The following CRYBG1 variants were observed in gnomAD, a reference collection of about 807,000 sequenced individuals.
CRYBG1 encodes crystallin beta-gamma domain containing 1.
In CRYBG1, 139 loss-of-function variants were observed where a neutral mutation model predicts 189.2. The ratio of observed to expected loss-of-function variants is 0.73; its 90% CI spans 0.64 to 0.85. CRYBG1 has a LOEUF of 0.85. CRYBG1 is among the 40% of genes least tolerant of loss of function. The probability of loss-of-function intolerance (pLI) is 0.00; values close to 1 mark genes in which losing one functional copy is unlikely to be tolerated. For synonymous variants in CRYBG1, 1,023 were observed against 1,017.1 expected, an observed-to-expected ratio of 1.01 and a Z score of -0.11; for missense variants, 2,611 against 2,675.8, an observed-to-expected ratio of 0.98 and a Z score of 0.53.
At chr6:106,476,993 T>C (rs1022654377) in intron 2 of CRYBG1, among the ~76,000 whole-genome samples, 1 of 152,222 alleles carries the variant, frequency 6.6e-6, no homozygotes, top group Non-Finnish European at 1.5e-5. Context: ...ACATGTAAAG[T>C]ACTTAAAATA....
At chr6:106,370,727 A>G (rs1582725209) in intron 1 of CRYBG1, among the ~76,000 whole-genome samples, 1 of 151,922 alleles carries the variant, frequency 6.6e-6, no homozygotes, top group African/African-American at 2.4e-5. Context: ...AGATTTTCTG[A>G]TTTTTTCTTA....
At chr6:106,372,348 C>A (rs1157742087) in intron 1 of CRYBG1, among the ~76,000 whole-genome samples, 1 of 152,020 alleles carries the variant, frequency 6.6e-6, no homozygotes, top group Admixed American at 6.6e-5. Context: ...ACTCCCTGGG[C>A]TCAGGTGATC....
At chr6:106,420,991 C>T (rs1771111764) in intron 1 of CRYBG1, among the ~76,000 whole-genome samples, 1 of 152,118 alleles carries the variant, frequency 6.6e-6, no homozygotes, top group Admixed American at 6.5e-5. Context: ...AACCCTGGAC[C>T]TGTTCAAATG....
intron 2 of CRYBG1, among the ~76,000 whole-genome samples, chr6:106,461,613 AC>A (rs1023455719): frequency 2.6e-5 from 4 of 152,270 alleles, no homozygotes; most frequent in African/African-American, 9.6e-5. Context: ...GAAATCCCTC[AC>A]TGGGGGAACT....
intron 1 of CRYBG1, among the ~76,000 whole-genome samples, chr6:106,430,816 A>G (rs1001689961): frequency 4.6e-5 from 7 of 152,126 alleles, no homozygotes. Flanking sequence ...TTCAACATGA[A>G]GAGCAGCATG....
chr6:106,413,353 T>C (rs537481193), intron 1 of CRYBG1, among the ~76,000 whole-genome samples: 1 of 151,994 alleles, frequency 6.6e-6, no homozygotes, highest in Non-Finnish European at 1.5e-5. Context: ...GGAAGAAAAG[T>C]GGATGAAATG....
At chr6:106,485,903 A>T (rs1772583571) in intron 2 of CRYBG1, among the ~76,000 whole-genome samples, 1 of 152,214 alleles carries the variant, frequency 6.6e-6, no homozygotes, top group Non-Finnish European at 1.5e-5. Context: ...ATGTGCATTC[A>T]TCAGGGATAC....
chr6:106,396,375 T>C (rs920426941), intron 1 of CRYBG1, among the ~76,000 whole-genome samples: 25 of 152,316 alleles, frequency 1.6e-4, no homozygotes, highest in Non-Finnish European at 2.9e-4. Context: ...AATTCTTTCA[T>C]AAACATCATG....
chr6:106,535,456 A>T (rs994641055), intron 8 of CRYBG1, among the ~76,000 whole-genome samples: 2 of 152,196 alleles, frequency 1.3e-5, no homozygotes, highest in African/African-American at 4.8e-5. Context: ...TTCAATGTAC[A>T]TTGGAGATAT....
At chr6:106,374,893 T>C (rs1187788629) in intron 1 of CRYBG1, among the ~76,000 whole-genome samples, 1 of 152,156 alleles carries the variant, frequency 6.6e-6, no homozygotes, top group Non-Finnish European at 1.5e-5. Flanking sequence ...ACTTACGACA[T>C]CAGCAAAGCA....
Position 106,512,073 on chromosome 6 carries a change from T to C in CRYBG1, c.956T>C (p.Val319Ala). The C allele has an allele frequency of 6.5e-6, 10 of 1,534,152 alleles. No individual in the cohort carries two copies. Among genetic ancestry groups the C allele is most frequent in the Non-Finnish European group, 8.7e-6 (10 of 1,146,152 alleles). ...LGEAPNGAPS[V>A]CAEEGSLGPR... ...GAGGCCCCTAACGGAGCCCCCAGTG[T>C]GTGTGCCGAAGAAGGCTCCCTGGGG... The change falls in exon 3 of 22, where the codon GTG (valine) becomes GCG (alanine). Residue 319 changes from valine (V) to alanine (A), a missense_variant. Val to Ala is a moderately conservative substitution (Grantham distance 64, BLOSUM62 0). This residue lies in a region of CRYBG1 where 985 missense variants were observed against 924.4 expected (regional missense o/e 1.07). Transcript: ENST00000633556.
intron 13 of CRYBG1, among the ~76,000 whole-genome samples, chr6:106,549,555 A>G (rs1774350801): frequency 6.6e-6 from 1 of 152,064 alleles, no homozygotes; most frequent in East Asian, 1.9e-4. Context: ...CCTGGCCAAC[A>G]TGGTAAAATC....
intron 2 of CRYBG1, among the ~76,000 whole-genome samples, chr6:106,469,863 T>G (rs990539460): frequency 3.9e-5 from 6 of 152,200 alleles, no homozygotes; most frequent in Admixed American, 3.9e-4. Flanking sequence ...CTTTGACAAC[T>G]CTGCCCCAAG....
At chr6:106,410,446 C>T (rs2114370598) in intron 1 of CRYBG1, among the ~76,000 whole-genome samples, 1 of 152,326 alleles carries the variant, frequency 6.6e-6, no homozygotes, top group South Asian at 2.1e-4. Flanking sequence ...TTAGTTCAAC[C>T]ATTGTGGAAG....
In CRYBG1 at chr6:106,512,973, C is replaced by T; in HGVS notation, c.1856C>T (p.Ala619Val). The T allele has an allele frequency of 3.7e-6, 6 of 1,611,212 alleles. No homozygotes were observed. Among genetic ancestry groups the T allele is most frequent in the Non-Finnish European group, 5.1e-6 (6 of 1,179,566 alleles). The change falls in exon 3 of 22, where the codon GCC (alanine) becomes GTC (valine). Residue 619 changes from alanine to valine, a missense_variant. Physicochemically the swap from Ala to Val is moderately conservative, Grantham distance 64. Coordinates refer to ENST00000633556, the MANE Select transcript of CRYBG1 (RefSeq NM_001371242.2). Reference sequence around the variant, plus strand: ...GCCGGAGCGCCTGGAGCTTCTGACGCCGACGGCTTGAAGCCCAGGAACCAT... The same window carrying T: ...GCCGGAGCGCCTGGAGCTTCTGACGTCGACGGCTTGAAGCCCAGGAACCAT... Reference protein sequence around the residue: ...RAAGAPGASDADGLKPRNHFG... With the variant: ...RAAGAPGASDVDGLKPRNHFG...
At chr6:106,530,532 T>TGG (rs3214892) in intron 8 of CRYBG1, among the ~76,000 whole-genome samples, 111 of 151,554 alleles carry the variant, frequency 7.3e-4, no homozygotes, top group African/African-American at 1.9e-3. Context: ...TTATAGGAAA[T>TGG]GGGGGGGGAT....
chr6:106,499,246 G>A (rs766278385), intron 2 of CRYBG1, among the ~76,000 whole-genome samples: 4 of 148,716 alleles, frequency 2.7e-5, no homozygotes, highest in Non-Finnish European at 3.0e-5. Flanking sequence ...TCCGCCTCCC[G>A]GGTTCAAGCA....
chr6:106,375,151 A>G (rs942707354), intron 1 of CRYBG1, among the ~76,000 whole-genome samples: 12 of 151,712 alleles, frequency 7.9e-5, no homozygotes, highest in Admixed American at 3.9e-4. Flanking sequence ...GGGGAAGCTG[A>G]GGCAGGAGGA....
intron 1 of CRYBG1, among the ~76,000 whole-genome samples, chr6:106,382,227 A>T (rs1478050818): frequency 7.9e-5 from 12 of 152,224 alleles, no homozygotes; most frequent in South Asian, 6.2e-4. Context: ...TGCTGGCTAC[A>T]TCTAGGACAT....
Sources: allele counts gnomAD v4.1 joint callset (sites outside exome capture counted in the v4.1 genomes callset), GRCh38; gene constraint gnomAD v4.1.1; regional missense constraint gnomAD v4.1.1; transcripts MANE v1.5; gene names NCBI Gene and HGNC (gene_info 2026-07-23, HGNC 2026-07-21).